The following PREX2 variants were observed in gnomAD, a reference collection of about 807,000 sequenced individuals.
The protein encoded by PREX2 is phosphatidylinositol-3,4,5-trisphosphate dependent Rac exchange factor 2, also known as phosphatidylinositol 3,4,5-trisphosphate-dependent Rac exchanger 2 protein.
A neutral mutation model predicts 203.2 loss-of-function variants in PREX2; 107 were observed. That is an observed-to-expected ratio of 0.53 (90% confidence interval 0.45 to 0.62). PREX2 has a LOEUF of 0.62. Among genes scored for constraint, PREX2 ranks in the 20% least tolerant of loss-of-function variants. PREX2 has a pLI of 0.00. For missense variants in PREX2, 1,777 were observed against 1,955.9 expected (o/e 0.91, Z 1.72); for synonymous variants, 672 against 663.6 (o/e 1.01, Z -0.19).
chr8:68,053,285 A>G (rs1300598628), intron 9 of PREX2, 39 bp downstream of exon 9: 1 of 1,604,792 alleles, frequency 6.2e-7, no homozygotes, highest in Non-Finnish European at 8.5e-7. Flanking sequence ...CTTTGTGAAG[A>G]CTCTAACTTA....
At chr8:67,970,892 C>G (rs1446201463) in intron 1 of PREX2, among the ~76,000 whole-genome samples, 1 of 152,074 alleles carries the variant, frequency 6.6e-6, no homozygotes. Flanking sequence ...ATTTATTTAC[C>G]CAATGCAAAC....
intron 1 of PREX2, among the ~76,000 whole-genome samples, chr8:67,981,029 A>G (rs1412673709): frequency 6.6e-6 from 1 of 152,234 alleles, no homozygotes; most frequent in Non-Finnish European, 1.5e-5. Flanking sequence ...GAATAGCAGC[A>G]AATGTGGTAA....
intron 37 of PREX2, among the ~76,000 whole-genome samples, chr8:68,216,419 CTAAT>C (rs1449803621): frequency 6.6e-6 from 1 of 152,014 alleles, no homozygotes; most frequent in Non-Finnish European, 1.5e-5. Flanking sequence ...AAGGAAAAGG[CTAAT>C]TAAAATACAA....
intron 38 of PREX2, among the ~76,000 whole-genome samples, chr8:68,223,822 A>G (rs1031915572): frequency 6.6e-6 from 1 of 152,190 alleles, no homozygotes; most frequent in African/African-American, 2.4e-5. Context: ...TTGTCCAAAA[A>G]TTGCTTTAGA....
intron 33 of PREX2, among the ~76,000 whole-genome samples, chr8:68,139,332 G>C (rs1811174907): frequency 6.6e-6 from 1 of 152,134 alleles, no homozygotes; most frequent in Admixed American, 6.5e-5. Context: ...CGGAGGAGCA[G>C]TGTCCCAGGC....
intron 34 of PREX2, 119 bp downstream of exon 34, chr8:68,146,471 C>A: frequency 3.4e-6 from 3 of 887,098 alleles, no homozygotes; most frequent in African/African-American, 1.7e-5. Flanking sequence ...ATTATTTAGC[C>A]AATATATTTG....
At chr8:67,975,701 T>C (rs1806060053) in intron 1 of PREX2, among the ~76,000 whole-genome samples, 1 of 110,750 alleles carries the variant, frequency 9.0e-6, no homozygotes, top group Admixed American at 9.2e-5. Context: ...TTTCTTTTTT[T>C]TTTTTTTTTT....
chr8:68,059,641 A>G (rs189828098), intron 10 of PREX2, among the ~76,000 whole-genome samples: 1 of 152,358 alleles, frequency 6.6e-6, no homozygotes, highest in East Asian at 1.9e-4. Context: ...ACCAGTCAGA[A>G]GTCCAGGAGA....
intron 35 of PREX2, among the ~76,000 whole-genome samples, chr8:68,174,021 A>G (rs1035053025): frequency 6.6e-6 from 1 of 152,212 alleles, no homozygotes; most frequent in South Asian, 2.1e-4. Flanking sequence ...TGACTTTTCT[A>G]TCTGATCACA....
Position 68,087,890 on chromosome 8 carries a change from G to A in PREX2, c.2113+81G>A, listed in dbSNP as rs181091656. 19 of 879,386 alleles carry A rather than the reference G, an allele frequency of 2.2e-5. No homozygotes were observed. In the East Asian group the frequency reaches 4.6e-4, roughly 21 times the overall value. The allele number at this position is 879,386 out of a possible 1,614,324, so 54.5% of individuals were successfully genotyped here. On this transcript the variant is annotated intron_variant, in intron 19 of 39. Transcript: ENST00000288368. Reference sequence around the variant, plus strand: ...ATGGAACAGGAATGTGTTTAAAATAGGCAGAACCATGCTGTGATGATTCTC... The same window carrying A: ...ATGGAACAGGAATGTGTTTAAAATAAGCAGAACCATGCTGTGATGATTCTC...
chr8:67,969,706 TC>T (rs1248883656), intron 1 of PREX2, among the ~76,000 whole-genome samples: 1 of 152,188 alleles, frequency 6.6e-6, no homozygotes. Context: ...TCCTCATACA[TC>T]AAGTCTGGTC....
At chr8:68,069,004 A>G (rs2129611556) in intron 11 of PREX2, 29 bp from the exon 12 acceptor site, 1 of 920,658 alleles carries the variant, frequency 1.1e-6, no homozygotes, top group Non-Finnish European at 1.6e-6. Context: ...GAGTATCGTT[A>G]TTTTAATATA....
intron 1 of PREX2, among the ~76,000 whole-genome samples, chr8:68,016,740 T>C (rs923658925): frequency 2.0e-5 from 3 of 152,118 alleles, no homozygotes; most frequent in African/African-American, 7.2e-5. Flanking sequence ...CCTCAGCCTC[T>C]TAAGTAACTA....
chr8:68,192,313 G>A (rs781111736), intron 36 of PREX2, 22 bp from the exon 37 acceptor site: 16 of 1,559,730 alleles, frequency 1.0e-5, no homozygotes, highest in South Asian at 2.4e-5. Flanking sequence ...TGAACTTGAC[G>A]TTCATCACTT....
intron 29 of PREX2, 101 bp downstream of exon 29, chr8:68,120,387 GT>G: frequency 2.7e-6 from 2 of 737,454 alleles, no homozygotes; most frequent in Non-Finnish European, 4.8e-6. Flanking sequence ...AACAATTCCA[GT>G]TACTCATGTT....
chr8:68,042,073 T>C (rs2129610822), intron 7 of PREX2, among the ~76,000 whole-genome samples: 1 of 152,220 alleles, frequency 6.6e-6, no homozygotes, highest in East Asian at 1.9e-4. Flanking sequence ...TCTCCATCTG[T>C]TCCCTTCACT....
chr8:68,008,524 A>G lies in PREX2; in HGVS notation c.142-9322A>G, dbSNP rs147777000. ...ATGTGTGTTTTAAGGATGATGGTGG[A>G]CAATTTTAGAAGTCAGTTTTAAAGA... On this transcript the variant is annotated intron_variant, in intron 1 of 39. Transcript: ENST00000288368. 2.4e-4 allele frequency among the ~76,000 whole-genome samples: 36 copies of G among 152,302 alleles called. 1 individual carries two copies. The highest frequency in any genetic ancestry group is 6.2e-4 in the South Asian group (3 of 4,826).
chr8:68,093,513 T>C, intron 20 of PREX2, 92 bp from the exon 21 acceptor site: 1 of 555,196 alleles, frequency 1.8e-6, no homozygotes, highest in East Asian at 2.8e-5. Flanking sequence ...TTTTAAAGAA[T>C]CTAGAGGAAT....
At chr8:68,157,161 G>A (rs1811557633) in intron 34 of PREX2, among the ~76,000 whole-genome samples, 161 bp from the exon 35 acceptor site, 1 of 152,118 alleles carries the variant, frequency 6.6e-6, no homozygotes, top group Admixed American at 6.6e-5. Context: ...TTTGAGAGCA[G>A]AACAGTTTTC....
Sources: allele counts gnomAD v4.1 joint callset (sites outside exome capture counted in the v4.1 genomes callset), GRCh38; gene constraint gnomAD v4.1.1; transcripts MANE v1.5; gene names NCBI Gene and HGNC (gene_info 2026-07-23, HGNC 2026-07-21).